LINGO2: variants seen among roughly 807,000 people sequenced by gnomAD.
The protein encoded by LINGO2 is leucine-rich repeat and immunoglobulin-like domain-containing nogo receptor-interacting protein 2.
LINGO2 carries 14 observed loss-of-function variants against 30.6 expected under a neutral mutation model. The observed-to-expected ratio is 0.46, with a 90% CI of 0.30 to 0.72. The LOEUF (loss-of-function observed/expected upper bound fraction) is 0.72, where lower values mean the gene tolerates loss of function less well. Among genes scored for constraint, LINGO2 ranks in the 30% least tolerant of loss-of-function variants. The probability of loss-of-function intolerance (pLI) is 0.07; values close to 1 mark genes in which losing one functional copy is unlikely to be tolerated. For missense variants in LINGO2, 729 were observed against 751.7 expected, an observed-to-expected ratio of 0.97 and a Z score of 0.35; for synonymous variants, 317 against 288.5, an observed-to-expected ratio of 1.10 and a Z score of -1.00.
chr9:29,062,796 T>C, the LINGO2 span, among the ~76,000 whole-genome samples: 1 of 152,188 alleles, frequency 6.6e-6, no homozygotes, highest in Admixed American at 6.5e-5. Flanking sequence ...ATCAAGATTA[T>C]AAAGAAAATA....
intron 2 of LINGO2, among the ~76,000 whole-genome samples, chr9:28,418,009 A>G (rs947921215): frequency 6.6e-6 from 1 of 152,154 alleles, no homozygotes; most frequent in African/African-American, 2.4e-5. Flanking sequence ...GACTTGAAGC[A>G]CTAAAAACTA....
At chr9:28,884,418 A>G in the LINGO2 span, among the ~76,000 whole-genome samples, 1 of 152,168 alleles carries the variant, frequency 6.6e-6, no homozygotes, top group African/African-American at 2.4e-5. Flanking sequence ...AGTGAATGTA[A>G]TTCTGAGTTT....
At chr9:27,969,912 A>T (rs562053018) in intron 5 of LINGO2, among the ~76,000 whole-genome samples, 23 of 152,290 alleles carry the variant, frequency 1.5e-4, no homozygotes, top group African/African-American at 5.3e-4. Context: ...GAAAAGCTGT[A>T]GACCTGCCGT....
At chr9:28,920,718 A>G in the LINGO2 span, among the ~76,000 whole-genome samples, 110,908 of 150,118 alleles carry the variant, frequency 0.74, 40,795 homozygotes, top group Non-Finnish European at 0.78. Flanking sequence ...CCTTTGTTAT[A>G]TCCAGATACA....
chr9:29,126,734 A>G, the LINGO2 span, among the ~76,000 whole-genome samples: 1 of 152,076 alleles, frequency 6.6e-6, no homozygotes, highest in African/African-American at 2.4e-5. Context: ...GCTTCTTCAA[A>G]CTGAAAGCTG....
chr9:28,018,511 A>T (rs751548310), intron 4 of LINGO2, among the ~76,000 whole-genome samples: 56 of 152,328 alleles, frequency 3.7e-4, no homozygotes, highest in Non-Finnish European at 6.8e-4. Flanking sequence ...GCAAAAAACC[A>T]AACTATTAAA....
chr9:28,070,259 C>G (rs916763983), intron 4 of LINGO2, among the ~76,000 whole-genome samples: 2 of 152,118 alleles, frequency 1.3e-5, no homozygotes, highest in Non-Finnish European at 2.9e-5. Flanking sequence ...AACAAGTCAT[C>G]ATGAAGACAG....
chr9:28,047,675 G>T (rs1249604523), intron 4 of LINGO2, among the ~76,000 whole-genome samples: 1 of 150,752 alleles, frequency 6.6e-6, no homozygotes, highest in Non-Finnish European at 1.5e-5. Context: ...GGTCTTCTAT[G>T]AATAACCTGA....
At position 28,041,289 on chromosome 9, in the gene LINGO2, G is replaced by A. The variant is rs899682995; in HGVS notation, c.-86-28884C>T. Among the ~76,000 whole-genome samples, 17 of 152,236 alleles carry A rather than the reference G, an allele frequency of 1.1e-4. 1 individual carries two copies. The Middle Eastern group carries it at 0.014, about 122-fold the overall frequency. On this transcript the variant is annotated intron_variant, in intron 4 of 5. Transcript: ENST00000379992. ...ATTCTGGACCAGGGTCCAGATCAAC[G>A]TAACTTAGTTCACAAAAATTGTCAG...
At chr9:29,070,880 A>C in the LINGO2 span, among the ~76,000 whole-genome samples, 2 of 150,876 alleles carry the variant, frequency 1.3e-5, no homozygotes, top group African/African-American at 2.4e-5. Context: ...TATATATATT[A>C]ATTGTATATA....
the LINGO2 span, among the ~76,000 whole-genome samples, chr9:28,790,503 TA>T: frequency 1.4e-4 from 20 of 140,108 alleles, no homozygotes; most frequent in Non-Finnish European, 2.5e-4. Context: ...TAATTTTTTG[TA>T]TTTTTTTTTT....
chr9:28,079,406 C>T (rs537381695), intron 4 of LINGO2, among the ~76,000 whole-genome samples: 3 of 152,210 alleles, frequency 2.0e-5, no homozygotes, highest in South Asian at 2.1e-4. Flanking sequence ...GTGAGCCGTT[C>T]GTTTTTATTT....
At chr9:28,893,381 C>CT in the LINGO2 span, among the ~76,000 whole-genome samples, 1 of 152,008 alleles carries the variant, frequency 6.6e-6, no homozygotes, top group Non-Finnish European at 1.5e-5. Context: ...CATTACAATG[C>CT]TGCAATTAAC....
At chr9:29,049,839 G>A in the LINGO2 span, among the ~76,000 whole-genome samples, 1 of 152,054 alleles carries the variant, frequency 6.6e-6, no homozygotes, top group African/African-American at 2.4e-5. Flanking sequence ...GATGGTTAAT[G>A]AGTACAAAAA....
At chr9:29,120,718 C>G in the LINGO2 span, among the ~76,000 whole-genome samples, 2 of 152,246 alleles carry the variant, frequency 1.3e-5, no homozygotes, top group Non-Finnish European at 2.9e-5. Context: ...TAAAATAGTG[C>G]AAAAGAGCTT....
intron 5 of LINGO2, among the ~76,000 whole-genome samples, chr9:27,964,115 C>G (rs936851622): frequency 1.3e-5 from 2 of 151,978 alleles, no homozygotes; most frequent in Non-Finnish European, 2.9e-5. Flanking sequence ...CTATTTCTCT[C>G]TACTTATTTA....
chr9:29,077,880 C>T, the LINGO2 span, among the ~76,000 whole-genome samples: 4 of 151,720 alleles, frequency 2.6e-5, no homozygotes, highest in Non-Finnish European at 4.4e-5. Context: ...AAAAATGTAA[C>T]TGAAGAAAAG....
At chr9:29,073,147 T>C in the LINGO2 span, among the ~76,000 whole-genome samples, 1 of 151,980 alleles carries the variant, frequency 6.6e-6, no homozygotes, top group Non-Finnish European at 1.5e-5. Flanking sequence ...AAGTGAACTA[T>C]TAGAAAAGAA....
chr9:29,121,282 T>A, the LINGO2 span, among the ~76,000 whole-genome samples: 1 of 152,164 alleles, frequency 6.6e-6, no homozygotes, highest in East Asian at 1.9e-4. Context: ...AGTAAGTTTG[T>A]ATACTGTCAA....
Sources: allele counts gnomAD v4.1 joint callset (sites outside exome capture counted in the v4.1 genomes callset), GRCh38; gene constraint gnomAD v4.1.1; transcripts MANE v1.5; gene names NCBI Gene and HGNC (gene_info 2026-07-23, HGNC 2026-07-21).